RIMBP2: variants seen among roughly 807,000 people sequenced by gnomAD.
The protein encoded by RIMBP2 is RIMS-binding protein 2.
In RIMBP2, 48 loss-of-function variants were observed where a neutral mutation model predicts 118.6. The observed-to-expected ratio is 0.40, with a 90% CI of 0.32 to 0.51. The LOEUF (loss-of-function observed/expected upper bound fraction) is 0.51. RIMBP2 is among the 20% of genes least tolerant of loss of function. The probability of loss-of-function intolerance (pLI) is 0.41; values close to 1 mark genes in which losing one functional copy is unlikely to be tolerated. For synonymous variants in RIMBP2, 762 were observed against 742.9 expected, an observed-to-expected ratio of 1.03 and a Z score of -0.42; for missense variants, 1,551 against 1,768.3, an observed-to-expected ratio of 0.88 and a Z score of 2.20.
At chr12:130,682,682 T>G (rs1187489735) in intron 1 of RIMBP2, among the ~76,000 whole-genome samples, 2 of 152,248 alleles carry the variant, frequency 1.3e-5, no homozygotes, top group East Asian at 3.8e-4. Context: ...GATTTCCTTG[T>G]GTCACTTTGT....
chr12:130,615,971 T>C (rs2060907517), intron 2 of RIMBP2, among the ~76,000 whole-genome samples: 1 of 152,122 alleles, frequency 6.6e-6, no homozygotes, highest in Admixed American at 6.5e-5. Context: ...GGACGTGGTC[T>C]GGACAACAGC....
At chr12:130,708,179 C>T (rs531057083) in intron 1 of RIMBP2, among the ~76,000 whole-genome samples, 5 of 152,234 alleles carry the variant, frequency 3.3e-5, no homozygotes, top group African/African-American at 1.2e-4. Context: ...AAGATGTCCA[C>T]GGCGGGACAT....
intron 2 of RIMBP2, among the ~76,000 whole-genome samples, chr12:130,627,486 G>C (rs1283539191): frequency 6.6e-6 from 1 of 152,200 alleles, no homozygotes; most frequent in African/African-American, 2.4e-5. Context: ...AACCAGCCTA[G>C]AGTTCTCTCC....
Position 130,488,436 on chromosome 12 carries a change from G to A in RIMBP2, c.-3-9420C>T, listed in dbSNP as rs868564437. Among the ~76,000 whole-genome samples the A allele has an allele frequency of 5.9e-5, 9 of 152,130 alleles. No individual in the cohort carries two copies. In the South Asian group the frequency reaches 6.2e-4, roughly 11 times the overall value. ...GCTCAGTCAGGGGGTGGTGGGGGCC[G>A]TAAGTTTAATATTAGTGAGGTCTAC... is the stretch of plus-strand genomic sequence containing the variant. On this transcript the variant is annotated intron_variant, in intron 4 of 22. Coordinates refer to ENST00000690449, the MANE Select transcript of RIMBP2 (RefSeq NM_001393629.1).
chr12:130,429,678 GATGAAGATGTGT>G (rs2077034079), intron 14 of RIMBP2: 1 of 152,176 alleles, frequency 6.6e-6, no homozygotes, highest in Non-Finnish European at 1.5e-5. Flanking sequence ...TCCTAACCCA[GATGAAGATGTGT>G]ATGCATTGGC....
At chr12:130,566,175 G>GCACACACACACA (rs3047801) in intron 2 of RIMBP2, among the ~76,000 whole-genome samples, 15 of 148,214 alleles carry the variant, frequency 1.0e-4, no homozygotes, top group African/African-American at 3.7e-4. Context: ...ATACACACAT[G>GCACACACACACA]CACACACACA....
chr12:130,649,173 CA>C (rs2063117394), intron 1 of RIMBP2, among the ~76,000 whole-genome samples: 1 of 146,036 alleles, frequency 6.8e-6, no homozygotes, highest in South Asian at 2.1e-4. Flanking sequence ...GACAAGAGAG[CA>C]ACCGGAGGGA....
chr12:130,562,202 A>C (rs2056872484), intron 2 of RIMBP2, among the ~76,000 whole-genome samples: 1 of 152,236 alleles, frequency 6.6e-6, no homozygotes, highest in Non-Finnish European at 1.5e-5. Context: ...GATTTTATTA[A>C]CTTACTTCAA....
intron 2 of RIMBP2, among the ~76,000 whole-genome samples, chr12:130,580,028 C>CAAAAAAAAA (rs55653381): frequency 8.6e-5 from 10 of 116,468 alleles, no homozygotes; most frequent in East Asian, 2.5e-4. Flanking sequence ...ACCAAAAATA[C>CAAAAAAAAA]AAAAAAAAAA....
chr12:130,501,381 A>T (rs1455621542), intron 4 of RIMBP2, among the ~76,000 whole-genome samples: 1 of 152,108 alleles, frequency 6.6e-6, no homozygotes, highest in Non-Finnish European at 1.5e-5. Context: ...ACATAAACTG[A>T]TTGAAAACTA....
chr12:130,432,901 A>G (rs2077240576), intron 14 of RIMBP2, among the ~76,000 whole-genome samples: 1 of 152,208 alleles, frequency 6.6e-6, no homozygotes, highest in Non-Finnish European at 1.5e-5. Context: ...AAAAGGAATC[A>G]TCTGTGACCC....
At chr12:130,558,546 G>A (rs951774908) in intron 2 of RIMBP2, among the ~76,000 whole-genome samples, 7 of 152,230 alleles carry the variant, frequency 4.6e-5, no homozygotes, top group Non-Finnish European at 7.4e-5. Flanking sequence ...AGCTCAGTCC[G>A]ACTCCAGGGA....
chr12:130,464,624 A>G (rs2080295979), intron 6 of RIMBP2, among the ~76,000 whole-genome samples: 1 of 152,248 alleles, frequency 6.6e-6, no homozygotes, highest in Non-Finnish European at 1.5e-5. Flanking sequence ...CTGCTGACTC[A>G]GAGAGACCTC....
At chr12:130,564,237 C>T (rs12830905) in intron 2 of RIMBP2, among the ~76,000 whole-genome samples, 64,187 of 150,998 alleles carry the variant, frequency 0.43, 13,847 homozygotes, top group Admixed American at 0.46. Flanking sequence ...AGGTCTTTGG[C>T]CATATTTCAT....
chr12:130,664,421 G>GCACGCACACA lies in RIMBP2; in HGVS notation c.-351-35966_-351-35965insTGTGTGCGTG, dbSNP rs1566439040. Reference sequence around the variant, plus strand: ...CACGCACGCACGCACGCACACACACGCACACACATGCATGCACGCACACAC... The same window carrying GCACGCACACA: ...CACGCACGCACGCACGCACACACACGCACGCACACACACACACATGCATGCACGCACACAC... On this transcript the variant is annotated intron_variant, in intron 1 of 22. Transcript: ENST00000690449. Among the ~76,000 whole-genome samples the GCACGCACACA allele has an allele frequency of 9.1e-4, 74 of 80,880 alleles. 1 individual carries two copies. The highest frequency in any genetic ancestry group is 2.7e-3 in the African/African-American group (69 of 25,516). 53.1% of individuals were successfully genotyped at this position (80,880 alleles called of 152,430 possible).
chr12:130,596,679 A>C (rs1043342386), intron 2 of RIMBP2, among the ~76,000 whole-genome samples: 4 of 152,236 alleles, frequency 2.6e-5, no homozygotes, highest in Non-Finnish European at 5.9e-5. Flanking sequence ...GCTCGGTAAC[A>C]GTTGTTAAAT....
intron 2 of RIMBP2, among the ~76,000 whole-genome samples, chr12:130,536,106 C>T (rs1330690248): frequency 1.3e-5 from 2 of 151,926 alleles, no homozygotes; most frequent in Admixed American, 1.3e-4. Flanking sequence ...TATTTTTATT[C>T]CCCATTTTAT....
At chr12:130,630,278 AAG>A (rs2140945059) in intron 1 of RIMBP2, among the ~76,000 whole-genome samples, 1 of 151,270 alleles carries the variant, frequency 6.6e-6, no homozygotes, top group South Asian at 2.1e-4. Context: ...CAACTACAGA[AAG>A]AGTTATTGTC....
chr12:130,543,182 T>C (rs1223628687), intron 2 of RIMBP2, among the ~76,000 whole-genome samples: 7 of 152,224 alleles, frequency 4.6e-5, no homozygotes, highest in African/African-American at 1.7e-4. Flanking sequence ...TGTACTTGAA[T>C]GGCATTTCCT....
Sources: allele counts gnomAD v4.1 joint callset (sites outside exome capture counted in the v4.1 genomes callset), GRCh38; gene constraint gnomAD v4.1.1; transcripts MANE v1.5; gene names NCBI Gene and HGNC (gene_info 2026-07-23, HGNC 2026-07-21).